The following NCS1 variants were observed in gnomAD, a reference collection of about 807,000 sequenced individuals.
The protein encoded by NCS1 is neuronal calcium sensor 1.
A neutral mutation model predicts 28.4 loss-of-function variants in NCS1; 6 were observed. The observed-to-expected ratio is 0.21, with a 90% CI of 0.12 to 0.42. NCS1 has a LOEUF of 0.42. NCS1 is among the 10% of genes least tolerant of loss of function. The pLI is 1.00. For synonymous variants in NCS1, 86 were observed against 99.3 expected, an observed-to-expected ratio of 0.87 and a Z score of 0.79; for missense variants, 131 against 241.4, an observed-to-expected ratio of 0.54 and a Z score of 3.03.
At chr9:130,188,346 C>T (rs1460222721) in intron 1 of NCS1, among the ~76,000 whole-genome samples, 3 of 152,158 alleles carry the variant, frequency 2.0e-5, no homozygotes, top group Non-Finnish European at 4.4e-5. Context: ...GCACATCAGC[C>T]CTTTCCTCAG....
intron 1 of NCS1, among the ~76,000 whole-genome samples, chr9:130,193,517 C>T (rs1240337181): frequency 6.6e-6 from 1 of 152,106 alleles, no homozygotes; most frequent in African/African-American, 2.4e-5. Context: ...TGGTGCAGGA[C>T]TGCCTGTAGG....
At chr9:130,178,089 C>T (rs1832600834) in intron 1 of NCS1, among the ~76,000 whole-genome samples, 1 of 152,192 alleles carries the variant, frequency 6.6e-6, no homozygotes, top group Admixed American at 6.5e-5. Flanking sequence ...TCTCGAACTC[C>T]TGGCCTCAAG....
At chr9:130,206,148 G>A (rs1190207299) in intron 2 of NCS1, among the ~76,000 whole-genome samples, 2 of 152,166 alleles carry the variant, frequency 1.3e-5, no homozygotes, top group African/African-American at 4.8e-5. Flanking sequence ...TGCTCTGGGA[G>A]CCAGGGGAAC....
In NCS1 at chr9:130,226,582, G is replaced by A. The variant is rs1554911436; in HGVS notation, c.*17+78G>A. The stretch of plus-strand genomic sequence containing the variant: ...ACCCAGCAGCAGGACACCTACGGTT[G>A]GCAGGTAATTACCTGGGTCTCTGGG... On this transcript the variant is annotated intron_variant, in intron 7 of 7. Transcript: ENST00000372398. The surrounding 1 kb of genome is among the most constrained non-coding windows in gnomAD (Gnocchi z 4.8). The A allele has an allele frequency of 9.2e-7, 1 of 1,081,688 alleles. No individual in the cohort carries two copies. The highest frequency in any genetic ancestry group is 1.6e-5 in the African/African-American group (1 of 63,786). 67.0% of individuals were successfully genotyped at this position (1,081,688 alleles called of 1,614,324 possible).
At chr9:130,201,003 A>G in intron 2 of NCS1, 21 bp downstream of exon 2, 1 of 1,614,094 alleles carries the variant, frequency 6.2e-7, no homozygotes, top group Non-Finnish European at 8.5e-7. Context: ...GCTTTTTCTC[A>G]AACCGTAGAG....
At chr9:130,179,209 A>G (rs1456216505) in intron 1 of NCS1, among the ~76,000 whole-genome samples, 6 of 151,868 alleles carry the variant, frequency 4.0e-5, no homozygotes, top group African/African-American at 1.5e-4. Context: ...CTGGGATTAC[A>G]GGCATGAGCC....
Position 130,191,980 on chromosome 9 carries a change from C to T in NCS1, c.65-8978C>T, listed in dbSNP as rs965298848. On this transcript the variant is annotated intron_variant, in intron 1 of 7. Coordinates refer to ENST00000372398, the MANE Select transcript of NCS1 (RefSeq NM_014286.4). This position sits in a 1 kb window ranked among gnomAD's most constrained non-coding sequence, Gnocchi z 6.4. ...GCTGGAGGGCAGAAGGGCTGGGGAA[C>T]GCGCGGCGAGTGGGTCAGGGCGAGG... 3.3e-5 allele frequency among the ~76,000 whole-genome samples: 5 copies of T among 152,108 alleles called. No homozygotes were observed. Among genetic ancestry groups the T allele is most frequent in the East Asian group, 1.9e-4 (1 of 5,172 alleles).
rs565502287 is a variant in NCS1, at chr9:130,175,691, G to A, written c.64+2964G>A. Among the ~76,000 whole-genome samples the A allele has an allele frequency of 1.3e-5, 2 of 152,298 alleles. No homozygotes were observed. Among genetic ancestry groups the A allele is most frequent in the Admixed American group, 1.3e-4 (2 of 15,290 alleles). On this transcript the variant is annotated intron_variant, in intron 1 of 7. Transcript: ENST00000372398. The surrounding 1 kb of genome is among the most constrained non-coding windows in gnomAD (Gnocchi z 4.9). ...TCTGTCTGTGGTGGTCTGTGTGTGT[G>A]AGGAAGCAGGAGTGTCTAAAGGCCC... is the stretch of plus-strand genomic sequence containing the variant.
rs1039464352 is a variant in NCS1 at position 130,192,453 on chromosome 9, G to A, written c.65-8505G>A. ...GCTCTTCCTGGACACGGGGCCTGTC[G>A]TTGTGGGAAATGAGGCGCTCCAGAC... is the stretch of plus-strand genomic sequence containing the variant. On this transcript the variant is annotated intron_variant, in intron 1 of 7. Transcript: ENST00000372398. This position sits in a 1 kb window ranked among gnomAD's most constrained non-coding sequence, Gnocchi z 4.8. Among the ~76,000 whole-genome samples, 42 of 152,168 alleles carry A rather than the reference G, an allele frequency of 2.8e-4. No homozygotes were observed. Among genetic ancestry groups the A allele is most frequent in the African/African-American group, 9.4e-4 (39 of 41,528 alleles).
intron 1 of NCS1, among the ~76,000 whole-genome samples, chr9:130,183,314 G>T (rs898457415): frequency 3.7e-4 from 57 of 152,250 alleles, no homozygotes; most frequent in East Asian, 3.1e-3. Flanking sequence ...GCTGGGGGGG[G>T]GAGCTCCTTG....
intron 1 of NCS1, among the ~76,000 whole-genome samples, chr9:130,198,204 T>C (rs1564706830): frequency 6.6e-6 from 1 of 152,184 alleles, no homozygotes; most frequent in African/African-American, 2.4e-5. Context: ...GGGGGAGCCC[T>C]AGTCATATGC....
intron 7 of NCS1, among the ~76,000 whole-genome samples, chr9:130,230,414 T>C (rs1225546959): frequency 1.3e-5 from 2 of 152,034 alleles, no homozygotes; most frequent in East Asian, 1.9e-4. Flanking sequence ...GAGAGAATAG[T>C]GTAATGCTGA....
intron 1 of NCS1, among the ~76,000 whole-genome samples, chr9:130,174,525 T>C (rs1017112): frequency 0.35 from 52,976 of 151,994 alleles, 11,973 homozygotes; most frequent in East Asian, 0.68. Flanking sequence ...AGTGAGAGAC[T>C]TCAGAGCTCG....
At position 130,203,136 on chromosome 9, in the gene NCS1, A is replaced by AT. The variant is rs66768750; in HGVS notation, c.89+2169dup. Among the ~76,000 whole-genome samples the AT allele has an allele frequency of 2.3e-3, 250 of 108,458 alleles. 1 individual carries two copies. Among genetic ancestry groups the AT allele is most frequent in the African/African-American group, 7.6e-3 (219 of 28,970 alleles). The allele number at this position is 108,458 out of a possible 152,430, so 71.2% of individuals were successfully genotyped here. Reference sequence around the variant, plus strand: ...TGCGTGTGTATGTATATATATATATATTTTTTTTTTTTTTTCTTGAGACAG... The same window carrying AT: ...TGCGTGTGTATGTATATATATATATATTTTTTTTTTTTTTTTCTTGAGACAG... On this transcript the variant is annotated intron_variant, in intron 2 of 7. Transcript: ENST00000372398.
At chr9:130,189,876 AAAAATATATATAT>A (rs1320609605) in intron 1 of NCS1, among the ~76,000 whole-genome samples, 2,034 of 68,862 alleles carry the variant, frequency 0.03, 30 homozygotes, top group Admixed American at 0.044. Context: ...AAAAAAAAAA[AAAAATATATATAT>A]ATATATATAT....
intron 2 of NCS1, among the ~76,000 whole-genome samples, chr9:130,213,872 C>A (rs2131147192): frequency 6.6e-6 from 1 of 152,368 alleles, no homozygotes; most frequent in East Asian, 1.9e-4. Context: ...AGCCACCATG[C>A]CTGGCCACAC....
chr9:130,204,263 C>G (rs1832997473), intron 2 of NCS1, among the ~76,000 whole-genome samples: 1 of 151,918 alleles, frequency 6.6e-6, no homozygotes. Context: ...TCCCAAAATG[C>G]TGGGATTACA....
intron 5 of NCS1, 91 bp downstream of exon 5, chr9:130,222,829 T>C: frequency 7.2e-7 from 1 of 1,391,516 alleles, no homozygotes; most frequent in Non-Finnish European, 1.0e-6. Context: ...GCAGCCATGC[T>C]CCTGCCCAGG....
At chr9:130,173,540 G>C (rs1554904322) in intron 1 of NCS1, among the ~76,000 whole-genome samples, 1 of 152,174 alleles carries the variant, frequency 6.6e-6, no homozygotes, top group Non-Finnish European at 1.5e-5. Context: ...CAGCCTCTCC[G>C]GAGGTGCCCT....
Sources: gnomAD v4.1 joint callset for allele counts (sites outside exome capture counted in the v4.1 genomes callset) on GRCh38, gnomAD v4.1.1 for gene constraint, Gnocchi (gnomAD v3.1) non-coding constraint, MANE v1.5 for transcripts, NCBI Gene and HGNC (gene_info 2026-07-23, HGNC 2026-07-21) for gene names.